The following ENPEP variants were observed in gnomAD, a reference collection of about 807,000 sequenced individuals.
The protein encoded by ENPEP is AP-A.
Under a neutral mutation model 114.5 loss-of-function variants are expected in ENPEP, and 103 were observed. The observed-to-expected ratio is 0.90, with a 90% confidence interval of 0.77 to 1.06. The LOEUF is 1.06. Among genes scored for constraint, ENPEP ranks in the 50% least tolerant of loss-of-function variants. The pLI, the probability that ENPEP is intolerant of heterozygous loss-of-function variation, is 0.00. For synonymous variants in ENPEP, 420 were observed against 422.0 expected, an observed-to-expected ratio of 1.00 and a Z score of 0.06; for missense variants, 1,196 against 1,161.3, an observed-to-expected ratio of 1.03 and a Z score of -0.43.
chr4:110,545,596 A>C (rs1473073954), intron 13 of ENPEP, among the ~76,000 whole-genome samples: 1 of 152,006 alleles, frequency 6.6e-6, no homozygotes, highest in Non-Finnish European at 1.5e-5. Flanking sequence ...CAAAGAGAAC[A>C]GGGTGGGAGA....
chr4:110,505,182 C>A, intron 3 of ENPEP, among the ~76,000 whole-genome samples: 1 of 152,092 alleles, frequency 6.6e-6, no homozygotes, highest in Non-Finnish European at 1.5e-5. Context: ...AAAACTGGAG[C>A]CTTAGTTTCA....
chr4:110,519,966 C>T, intron 8 of ENPEP, 42 bp from the exon 9 acceptor site: 1 of 1,571,962 alleles, frequency 6.4e-7, no homozygotes, highest in African/African-American at 1.4e-5. Flanking sequence ...ATGAGAAAAG[C>T]AAACATTGAC....
intron 10 of ENPEP, among the ~76,000 whole-genome samples, chr4:110,520,960 T>A (rs546494102): frequency 1.1e-4 from 16 of 152,162 alleles, no homozygotes; most frequent in African/African-American, 3.9e-4. Context: ...AAAAATACAG[T>A]GGGCTTGTTT....
chr4:110,504,960 T>C (rs1725319287), intron 3 of ENPEP, among the ~76,000 whole-genome samples: 1 of 152,218 alleles, frequency 6.6e-6, no homozygotes, highest in Non-Finnish European at 1.5e-5. Context: ...GCACTGAATA[T>C]GTAGACAACA....
chr4:110,496,595 C>T (rs1172400509), intron 3 of ENPEP, among the ~76,000 whole-genome samples: 1 of 152,204 alleles, frequency 6.6e-6, no homozygotes, highest in Non-Finnish European at 1.5e-5. Context: ...CTACATTATA[C>T]TTAGCAATGC....
chr4:110,544,304 G>A (rs945238287), intron 13 of ENPEP, among the ~76,000 whole-genome samples: 1 of 152,008 alleles, frequency 6.6e-6, no homozygotes, highest in Non-Finnish European at 1.5e-5. Context: ...AAGATTATCT[G>A]GCATGTAGAA....
chr4:110,534,066 A>G (rs471486), intron 11 of ENPEP, among the ~76,000 whole-genome samples: 150,339 of 152,228 alleles, frequency 0.99, 74,256 homozygotes, highest in Non-Finnish European at 1. Flanking sequence ...TTTCCTGTTT[A>G]AGGACATCTT....
intron 8 of ENPEP, chr4:110,519,314 G>C (rs946729076): frequency 1.6e-5 from 4 of 242,988 alleles, no homozygotes; most frequent in African/African-American, 8.8e-5. Flanking sequence ...GAACACTGAA[G>C]ATGGTTCCAT....
At chr4:110,548,552 T>C (rs921311616) in intron 14 of ENPEP, among the ~76,000 whole-genome samples, 7 of 152,054 alleles carry the variant, frequency 4.6e-5, no homozygotes, top group African/African-American at 1.4e-4. Flanking sequence ...ACCACTTAGG[T>C]GCATTTTAGT....
At chr4:110,541,849 G>GTTC (rs1726858373) in intron 11 of ENPEP, among the ~76,000 whole-genome samples, 1 of 152,076 alleles carries the variant, frequency 6.6e-6, no homozygotes, top group East Asian at 1.9e-4. Flanking sequence ...GTAAACAAAA[G>GTTC]AGTGTATGAT....
At chr4:110,523,778 G>T (rs1282744875) in intron 10 of ENPEP, among the ~76,000 whole-genome samples, 1 of 152,176 alleles carries the variant, frequency 6.6e-6, no homozygotes, top group African/African-American at 2.4e-5. Context: ...GAAAGTGTTG[G>T]GATACTACTT....
chr4:110,476,206 C>T lies in ENPEP; in HGVS notation c.-209C>T. 1.8e-6 allele frequency: 1 copy of T among 561,160 alleles called. No homozygotes were observed. Among genetic ancestry groups the T allele is most frequent in the East Asian group, 3.0e-5 (1 of 33,666 alleles). 34.8% of individuals were successfully genotyped at this position (561,160 alleles called of 1,614,324 possible). A position where few individuals can be genotyped will look rare whatever the true frequency, so the allele number is the denominator to read the frequency against. On this transcript the variant is annotated 5_prime_UTR_variant, in exon 1 of 20. Coordinates refer to ENST00000265162, the MANE Select transcript of ENPEP (RefSeq NM_001977.4). ...CCTCTTACGGAGTCCTCATTCCACC[C>T]CCCTTGTTTCCGCATTCATCCTGAG...
intron 2 of ENPEP, among the ~76,000 whole-genome samples, chr4:110,489,776 C>G (rs1029762662): frequency 2.6e-5 from 4 of 152,172 alleles, no homozygotes; most frequent in Non-Finnish European, 5.9e-5. Flanking sequence ...GGGTCAGCCT[C>G]ATCTTTAGGT....
intron 3 of ENPEP, among the ~76,000 whole-genome samples, chr4:110,502,130 G>A (rs1214007460): frequency 6.6e-6 from 1 of 152,010 alleles, no homozygotes; most frequent in Non-Finnish European, 1.5e-5. Flanking sequence ...TGTTTAATAG[G>A]GTTGTTTGTT....
intron 11 of ENPEP, among the ~76,000 whole-genome samples, chr4:110,541,467 C>A (rs910177144): frequency 5.3e-5 from 8 of 152,044 alleles, no homozygotes; most frequent in African/African-American, 1.9e-4. Flanking sequence ...AATGCATCAA[C>A]TTCTTTCTAG....
At chr4:110,547,710 G>A (rs1019917363) in intron 13 of ENPEP, among the ~76,000 whole-genome samples, 1 of 151,980 alleles carries the variant, frequency 6.6e-6, no homozygotes, top group Non-Finnish European at 1.5e-5. Flanking sequence ...AGTTCAATTT[G>A]AATGTTTTAA....
At chr4:110,511,994 C>T (rs1251701624) in intron 6 of ENPEP, among the ~76,000 whole-genome samples, 1 of 152,038 alleles carries the variant, frequency 6.6e-6, no homozygotes, top group Non-Finnish European at 1.5e-5. Flanking sequence ...GAACTCCTTA[C>T]CTCAGGTGAT....
chr4:110,555,003 A>G (rs146903613), intron 18 of ENPEP, among the ~76,000 whole-genome samples: 157 of 152,182 alleles, frequency 1.0e-3, no homozygotes, highest in African/African-American at 3.6e-3. Flanking sequence ...AAAATTAAGA[A>G]GTAGAAAAAA....
chr4:110,487,117 T>C (rs1375044089), intron 1 of ENPEP, among the ~76,000 whole-genome samples: 2 of 152,200 alleles, frequency 1.3e-5, no homozygotes, highest in Non-Finnish European at 2.9e-5. Context: ...AGCATTAATC[T>C]TAGGTTTTAC....
Sources: allele counts gnomAD v4.1 joint callset (sites outside exome capture counted in the v4.1 genomes callset), GRCh38; gene constraint gnomAD v4.1.1; transcripts MANE v1.5; gene names NCBI Gene and HGNC (gene_info 2026-07-23, HGNC 2026-07-21).